Variants in LRRC18 observed in about 807,000 individuals in gnomAD.
LRRC18 encodes the protein leucine-rich repeat-containing protein 18.
LRRC18 carries 12 observed loss-of-function variants against 11.2 expected under a neutral mutation model. The ratio of observed to expected loss-of-function variants is 1.07; its 90% CI spans 0.69 to 1.74. The LOEUF is 1.74. Ranked by LOEUF, LRRC18 falls within the 40% of genes most tolerant of loss-of-function variation. The probability of loss-of-function intolerance (pLI) is 0.00; values close to 1 mark genes in which losing one functional copy is unlikely to be tolerated. For missense variants in LRRC18, 374 were observed against 330.5 expected, an observed-to-expected ratio of 1.13 and a Z score of -1.02; for synonymous variants, 155 against 130.6, an observed-to-expected ratio of 1.19 and a Z score of -1.27.
At chr10:48,914,792 G>A (rs762875774), upstream of LRRC18, among the ~76,000 whole-genome samples, 55 of 152,198 alleles carry the variant, frequency 3.6e-4, no homozygotes, top group Non-Finnish European at 3.2e-4. Flanking sequence ...AGAAAAGCCT[G>A]TTGCTCAGCC....
At chr10:48,933,197 C>T in the LRRC18 span, among the ~76,000 whole-genome samples, 28 of 152,268 alleles carry the variant, frequency 1.8e-4, no homozygotes, top group South Asian at 6.2e-4. Flanking sequence ...GACCAGGCAA[C>T]GAGAAAACCC....
intron 1 of LRRC18, 97 bp from the exon 4 acceptor site, chr10:48,910,355 C>G: frequency 1.9e-6 from 2 of 1,064,732 alleles, no homozygotes; most frequent in Non-Finnish European, 2.9e-6. Flanking sequence ...AAGGTCATGC[C>G]TGACCTTCAG....
At chr10:48,923,867 T>G in the LRRC18 span, among the ~76,000 whole-genome samples, 8 of 152,158 alleles carry the variant, frequency 5.3e-5, no homozygotes, top group Non-Finnish European at 1.2e-4. Context: ...GAGCATGGCT[T>G]AGAGAGAATC....
chr10:48,938,946 C>T, the LRRC18 span, among the ~76,000 whole-genome samples: 32 of 152,194 alleles, frequency 2.1e-4, no homozygotes, highest in Admixed American at 1.6e-3. Flanking sequence ...AAGGCCAGGC[C>T]GGGTAACCGC....
chr10:48,928,231 C>T, the LRRC18 span, among the ~76,000 whole-genome samples: 1 of 152,296 alleles, frequency 6.6e-6, no homozygotes, highest in South Asian at 2.1e-4. Context: ...TTCCCCATGA[C>T]CCTGGATGGT....
At chr10:48,934,033 A>T in the LRRC18 span, among the ~76,000 whole-genome samples, 1 of 152,078 alleles carries the variant, frequency 6.6e-6, no homozygotes, top group Non-Finnish European at 1.5e-5. Flanking sequence ...AGTGCCTCCC[A>T]TCTCTCCCTG....
chr10:48,930,801 T>G, the LRRC18 span, among the ~76,000 whole-genome samples: 1 of 151,966 alleles, frequency 6.6e-6, no homozygotes, highest in Non-Finnish European at 1.5e-5. Context: ...AAAAAAAAAT[T>G]ATTTCCCAAA....
the LRRC18 span, among the ~76,000 whole-genome samples, chr10:48,927,128 G>A: frequency 6.6e-6 from 1 of 152,142 alleles, no homozygotes; most frequent in African/African-American, 2.4e-5. Context: ...GATTTTTACC[G>A]TGTGAGCTCA....
At chr10:48,930,286 T>C in the LRRC18 span, among the ~76,000 whole-genome samples, 139,051 of 152,204 alleles carry the variant, frequency 0.91, 64,468 homozygotes, top group East Asian at 1. Flanking sequence ...AATATGAATA[T>C]GTTTTAAGGG....
the LRRC18 span, among the ~76,000 whole-genome samples, chr10:48,919,640 C>T: frequency 1.1e-4 from 16 of 152,262 alleles, no homozygotes; most frequent in South Asian, 1.7e-3. Flanking sequence ...CTTGCCGTGT[C>T]CTCACATGGT....
At chr10:48,913,662 T>A in exon 1 of LRRC18, 1 of 1,613,790 alleles carries the variant, frequency 6.2e-7, no homozygotes, top group Non-Finnish European at 8.5e-7. Flanking sequence ...CTTGGGGAGC[T>A]TGGAGATGCT....
chr10:48,910,226 C>T (rs1254415221), exon 2 of LRRC18: 2 of 1,450,206 alleles, frequency 1.4e-6, no homozygotes, highest in Non-Finnish European at 1.9e-6. Context: ...CAAGATTTTG[C>T]CACAGCTACT....
chr10:48,919,907 C>A, the LRRC18 span, among the ~76,000 whole-genome samples: 1 of 152,094 alleles, frequency 6.6e-6, no homozygotes, highest in Non-Finnish European at 1.5e-5. Context: ...AACGTATTTT[C>A]TGATGTCAGC....
chr10:48,915,527 C>T (rs547435713), upstream of LRRC18, among the ~76,000 whole-genome samples: 4 of 152,214 alleles, frequency 2.6e-5, no homozygotes, highest in South Asian at 8.3e-4. Flanking sequence ...AGGTGCTCTA[C>T]AGTTTCTGTA....
At chr10:48,936,597 G>A in the LRRC18 span, among the ~76,000 whole-genome samples, 20 of 122,916 alleles carry the variant, frequency 1.6e-4, no homozygotes, top group East Asian at 4.5e-4. Context: ...CAGCACTTTC[G>A]GAGGCCGAAG....
chr10:48,935,502 C>A, the LRRC18 span, among the ~76,000 whole-genome samples: 1 of 152,364 alleles, frequency 6.6e-6, no homozygotes, highest in Admixed American at 6.5e-5. Flanking sequence ...AGAAGCCACA[C>A]ATTTCTCTTA....
intron 1 of LRRC18, among the ~76,000 whole-genome samples, chr10:48,912,162 G>T (rs1468673603): frequency 6.6e-6 from 1 of 152,238 alleles, no homozygotes; most frequent in African/African-American, 2.4e-5. Context: ...CAGCTATTGT[G>T]AGGATTGACT....
the LRRC18 span, among the ~76,000 whole-genome samples, chr10:48,928,485 T>C: frequency 6.6e-6 from 1 of 151,850 alleles, no homozygotes; most frequent in Non-Finnish European, 1.5e-5. Context: ...GCCAGCCCAG[T>C]AGAAACCCTA....
intron 1 of LRRC18, among the ~76,000 whole-genome samples, chr10:48,911,960 G>A (rs1194570069): frequency 6.6e-6 from 1 of 152,204 alleles, no homozygotes; most frequent in African/African-American, 2.4e-5. Context: ...ACAATGTGAG[G>A]AGAAAATAAG....
Sources: allele counts gnomAD v4.1 joint callset (sites outside exome capture counted in the v4.1 genomes callset), GRCh38; gene constraint gnomAD v4.1.1; transcripts MANE v1.5; gene names NCBI Gene and HGNC (gene_info 2026-07-23, HGNC 2026-07-21).